ITPK1: variants seen among roughly 807,000 people sequenced by gnomAD.
ITPK1 encodes the protein inositol 1,3,4-trisphosphate 5/6-kinase.
ITPK1 carries 21 observed loss-of-function variants against 45.3 expected under a neutral mutation model. That is an observed-to-expected ratio of 0.46 (90% CI 0.33 to 0.67). The LOEUF (loss-of-function observed/expected upper bound fraction) is 0.67. Ranked by LOEUF, ITPK1 falls within the 30% of genes least tolerant of loss-of-function variation. ITPK1 has a pLI of 0.02. For missense variants in ITPK1, 474 were observed against 573.5 expected, an observed-to-expected ratio of 0.83 and a Z score of 1.77; for synonymous variants, 258 against 253.6, an observed-to-expected ratio of 1.02 and a Z score of -0.16.
At chr14:93,071,160 T>A (rs2139973095) in intron 3 of ITPK1, 1 of 154,106 alleles carries the variant, frequency 6.5e-6, no homozygotes, top group South Asian at 2.1e-4. Flanking sequence ...CCCCTGCAAC[T>A]TCCTTTCCTG....
chr14:93,060,464 C>T (rs1381564882), intron 3 of ITPK1, among the ~76,000 whole-genome samples: 2 of 152,138 alleles, frequency 1.3e-5, no homozygotes, highest in African/African-American at 4.8e-5. Flanking sequence ...GCCAGGCATG[C>T]ACCCTGACCA....
At chr14:92,950,591 A>G (rs4900164) in intron 9 of ITPK1, among the ~76,000 whole-genome samples, 53,265 of 152,100 alleles carry the variant, frequency 0.35, 10,560 homozygotes, top group East Asian at 0.57. Context: ...TGAGGAGATT[A>G]AGGCTGAGGT....
intron 4 of ITPK1, among the ~76,000 whole-genome samples, chr14:92,995,275 C>T (rs1886994356): frequency 6.6e-6 from 1 of 152,240 alleles, no homozygotes; most frequent in African/African-American, 2.4e-5. Context: ...CCCCCCTGCC[C>T]TCTGCTCACC....
chr14:93,092,434 CTTG>C (rs1355666341), intron 2 of ITPK1, among the ~76,000 whole-genome samples: 2 of 152,210 alleles, frequency 1.3e-5, no homozygotes, highest in African/African-American at 2.4e-5. Flanking sequence ...CTACACGGGC[CTTG>C]ACATGGGTGA....
At chr14:93,018,484 T>C (rs1331570030) in intron 3 of ITPK1, among the ~76,000 whole-genome samples, 2 of 152,114 alleles carry the variant, frequency 1.3e-5, no homozygotes, top group South Asian at 4.1e-4. Flanking sequence ...CTTTAACTCC[T>C]CTTTCTTACT....
At chr14:93,094,334 C>A (rs925035176) in intron 2 of ITPK1, among the ~76,000 whole-genome samples, 2 of 152,182 alleles carry the variant, frequency 1.3e-5, no homozygotes, top group Non-Finnish European at 2.9e-5. Context: ...TCTGAAAACT[C>A]ACCTATGCCC....
At chr14:92,980,072 T>C (rs1409349355) in intron 5 of ITPK1, among the ~76,000 whole-genome samples, 2 of 152,162 alleles carry the variant, frequency 1.3e-5, no homozygotes, top group African/African-American at 4.8e-5. Flanking sequence ...TGAGCCACCA[T>C]GACAGGCCTC....
At chr14:92,953,097 A>T (rs902851589) in intron 8 of ITPK1, among the ~76,000 whole-genome samples, 1 of 152,206 alleles carries the variant, frequency 6.6e-6, no homozygotes, top group Non-Finnish European at 1.5e-5. Context: ...GCACTGGCTG[A>T]GGGCCGCTGC....
chr14:93,114,042 G>A (rs141037645), intron 2 of ITPK1, among the ~76,000 whole-genome samples: 2 of 152,198 alleles, frequency 1.3e-5, no homozygotes, highest in African/African-American at 2.4e-5. Context: ...AAGATGTGTG[G>A]GGCCCCCACA....
intron 3 of ITPK1, among the ~76,000 whole-genome samples, chr14:93,064,703 G>A (rs949057615): frequency 2.6e-5 from 4 of 152,152 alleles, no homozygotes; most frequent in Non-Finnish European, 4.4e-5. Flanking sequence ...ATTGACAGTC[G>A]AGCTGGAAAA....
intron 4 of ITPK1, among the ~76,000 whole-genome samples, chr14:92,994,428 C>T (rs539296535): frequency 1.1e-4 from 17 of 152,164 alleles, no homozygotes; most frequent in Admixed American, 4.6e-4. Context: ...GAGAGAAACA[C>T]GCCACAGGGT....
At chr14:93,062,678 C>A (rs186857018) in intron 3 of ITPK1, among the ~76,000 whole-genome samples, 13 of 152,178 alleles carry the variant, frequency 8.5e-5, no homozygotes, top group Admixed American at 8.5e-4. Flanking sequence ...CAGGCACTAG[C>A]AGGAGGCCCT....
At chr14:93,079,305 A>T (rs890632065) in intron 2 of ITPK1, among the ~76,000 whole-genome samples, 1 of 152,244 alleles carries the variant, frequency 6.6e-6, no homozygotes, top group Non-Finnish European at 1.5e-5. Flanking sequence ...CAACAGTGGC[A>T]GAAAAGAGGG....
Position 93,016,901 on chromosome 14 carries a change from C to A in ITPK1, c.121-100G>T. 6.6e-7 allele frequency: 1 copy of A among 1,509,286 alleles called. No individual in the cohort carries two copies. Among genetic ancestry groups the A allele is most frequent in the African/African-American group, 1.4e-5 (1 of 73,108 alleles). The allele number at this position is 1,509,286 out of a possible 1,614,324, so 93.5% of individuals were successfully genotyped here. A position where few individuals can be genotyped will look rare whatever the true frequency, so the allele number is the denominator to read the frequency against. ...CTGGGGCATATCACCAGAGGACCCT[C>A]GAGCCTCCCTGTAGCACTCTGGAGA... On this transcript the variant is annotated intron_variant, in intron 3 of 10. Transcript: ENST00000267615. The surrounding 1 kb of genome is among the most constrained non-coding windows in gnomAD (Gnocchi z 5.0).
intron 3 of ITPK1, among the ~76,000 whole-genome samples, chr14:93,046,897 A>T (rs1210120092): frequency 1.3e-5 from 2 of 152,202 alleles, no homozygotes; most frequent in Non-Finnish European, 2.9e-5. Flanking sequence ...AGGCTATCTG[A>T]GGCCCATGCT....
intron 2 of ITPK1, among the ~76,000 whole-genome samples, chr14:93,079,531 T>C (rs1891356628): frequency 6.6e-6 from 1 of 152,134 alleles, no homozygotes; most frequent in Non-Finnish European, 1.5e-5. Context: ...GGCACCAAGC[T>C]GGAAGGCCTG....
rs1466818724 is a variant in ITPK1 at position 92,949,097 on chromosome 14, T to C, written c.739-2604A>G. On this transcript the variant is annotated intron_variant, in intron 9 of 10. Coordinates refer to ENST00000267615, the MANE Select transcript of ITPK1 (RefSeq NM_014216.6). ...CATCCCTTAGCACTTTTCTTTCTTTTTTTTTTTTTCTTTTGAGACAGGGCC... is the reference window on the plus strand; with the variant it reads ...CATCCCTTAGCACTTTTCTTTCTTTCTTTTTTTTTCTTTTGAGACAGGGCC... 4.7e-5 allele frequency among the ~76,000 whole-genome samples: 7 copies of C among 150,080 alleles called. No homozygotes were observed. In the South Asian group the frequency reaches 6.2e-4, roughly 13 times the overall value.
At chr14:92,970,472 G>A (rs1885589832) in intron 5 of ITPK1, among the ~76,000 whole-genome samples, 2 of 152,186 alleles carry the variant, frequency 1.3e-5, no homozygotes, top group South Asian at 4.1e-4. Flanking sequence ...GTGTGCCTCC[G>A]ACACCGGCTC....
intron 5 of ITPK1, among the ~76,000 whole-genome samples, chr14:92,971,399 G>A (rs999880604): frequency 2.6e-5 from 4 of 152,196 alleles, no homozygotes; most frequent in Non-Finnish European, 4.4e-5. Context: ...CCCACTCATC[G>A]TCGTGGTCCC....
Sources: gnomAD v4.1 joint callset for allele counts (sites outside exome capture counted in the v4.1 genomes callset) on GRCh38, gnomAD v4.1.1 for gene constraint, Gnocchi (gnomAD v3.1) non-coding constraint, MANE v1.5 for transcripts, NCBI Gene and HGNC (gene_info 2026-07-23, HGNC 2026-07-21) for gene names.